CEP112: variants seen among roughly 807,000 people sequenced by gnomAD.
CEP112 encodes centrosomal protein 112.
A neutral mutation model predicts 153.0 loss-of-function variants in CEP112; 127 were observed. The observed-to-expected ratio is 0.83, with a 90% CI of 0.72 to 0.96. The LOEUF (loss-of-function observed/expected upper bound fraction) is 0.96, where lower values mean the gene tolerates loss of function less well. Ranked by LOEUF, CEP112 falls within the 40% of genes least tolerant of loss-of-function variation. The pLI is 0.00. For missense variants in CEP112, 1,089 were observed against 1,101.2 expected (o/e 0.99, Z 0.16); for synonymous variants, 358 against 374.4 (o/e 0.96, Z 0.51).
intron 18 of CEP112, among the ~76,000 whole-genome samples, chr17:65,947,176 G>C (rs1419697067): frequency 6.6e-6 from 1 of 151,952 alleles, no homozygotes; most frequent in Non-Finnish European, 1.5e-5. Flanking sequence ...ATAACTCATT[G>C]GGCTACCTTA....
At chr17:65,740,937 T>C (rs1032821481) in intron 23 of CEP112, among the ~76,000 whole-genome samples, 4 of 152,160 alleles carry the variant, frequency 2.6e-5, no homozygotes, top group Non-Finnish European at 4.4e-5. Flanking sequence ...TCTAGGTTCA[T>C]TTTGGCACTT....
At chr17:66,078,812 T>TGGCTTGGTAGTGGC (rs557429989) in intron 8 of CEP112, among the ~76,000 whole-genome samples, 90 of 152,298 alleles carry the variant, frequency 5.9e-4, no homozygotes, top group African/African-American at 2.0e-3. Flanking sequence ...CTTGTAGTGG[T>TGGCTTGGTAGTGGC]GGCTTGGTAG....
chr17:66,053,596 C>A (rs1483387151), intron 12 of CEP112, 140 bp downstream of exon 12: 2 of 723,872 alleles, frequency 2.8e-6, no homozygotes, highest in Non-Finnish European at 2.2e-6. Context: ...ACACATAAAT[C>A]TGTATGGAGT....
At chr17:66,091,513 T>G (rs4511577) in intron 8 of CEP112, among the ~76,000 whole-genome samples, 143,103 of 152,150 alleles carry the variant, frequency 0.94, 67,415 homozygotes, top group East Asian at 0.98. Flanking sequence ...AAACACAACA[T>G]ACAAAAACTT....
intron 12 of CEP112, among the ~76,000 whole-genome samples, chr17:66,038,110 A>AG (rs1555778647): frequency 8.3e-6 from 1 of 120,658 alleles, no homozygotes; most frequent in African/African-American, 3.3e-5. Flanking sequence ...CAAAAAAAAA[A>AG]AAAAGAAAAG....
chr17:65,650,330 T>C (rs922842743), intron 24 of CEP112, among the ~76,000 whole-genome samples: 1 of 152,120 alleles, frequency 6.6e-6, no homozygotes, highest in Non-Finnish European at 1.5e-5. Flanking sequence ...GACTCCCCTT[T>C]AGACAAGCCA....
At chr17:66,190,675 C>A (rs1239230001) in intron 1 of CEP112, among the ~76,000 whole-genome samples, 2 of 152,188 alleles carry the variant, frequency 1.3e-5, no homozygotes, top group African/African-American at 4.8e-5. Context: ...CTTATAGCTA[C>A]AATCTATATT....
At chr17:66,031,477 T>TG (rs2065472101) in intron 12 of CEP112, among the ~76,000 whole-genome samples, 2 of 15,168 alleles carry the variant, frequency 1.3e-4, no homozygotes, top group African/African-American at 2.6e-4. Flanking sequence ...TGTTTTGTTT[T>TG]TTTTTTTTGT....
chr17:66,034,884 C>T (rs944642956), intron 12 of CEP112, among the ~76,000 whole-genome samples: 12 of 149,710 alleles, frequency 8.0e-5, no homozygotes, highest in Non-Finnish European at 4.4e-5. Flanking sequence ...CTCGACTCAC[C>T]GCAACCCCTG....
At chr17:65,953,504 C>T (rs1225430368) in intron 18 of CEP112, among the ~76,000 whole-genome samples, 1 of 152,176 alleles carries the variant, frequency 6.6e-6, no homozygotes, top group Non-Finnish European at 1.5e-5. Context: ...CCTGAGACAA[C>T]AAAACACTGA....
At chr17:66,031,490 T>TG (rs10666547) in intron 12 of CEP112, among the ~76,000 whole-genome samples, 60,484 of 147,584 alleles carry the variant, frequency 0.41, 13,924 homozygotes, top group East Asian at 0.87. Context: ...TTTTTTGTTT[T>TG]TTTTTTTTTT....
intron 21 of CEP112, among the ~76,000 whole-genome samples, chr17:65,803,585 A>G (rs1347662373): frequency 1.3e-5 from 2 of 152,234 alleles, no homozygotes; most frequent in African/African-American, 4.8e-5. Context: ...TAGGTGTTAC[A>G]TTATTTTCTC....
At chr17:65,671,114 G>T (rs2046959989) in intron 24 of CEP112, among the ~76,000 whole-genome samples, 1 of 151,774 alleles carries the variant, frequency 6.6e-6, no homozygotes, top group South Asian at 2.1e-4. Flanking sequence ...TGAGAAGGGG[G>T]GTGGGTAAAA....
At chr17:65,970,534 C>A in intron 17 of CEP112, among the ~76,000 whole-genome samples, 1 of 151,676 alleles carries the variant, frequency 6.6e-6, no homozygotes, top group Admixed American at 6.6e-5. Flanking sequence ...ACATGTATAA[C>A]ACATGAATAT....
intron 21 of CEP112, among the ~76,000 whole-genome samples, chr17:65,760,846 G>T (rs919815204): frequency 1.3e-5 from 2 of 152,044 alleles, no homozygotes; most frequent in Non-Finnish European, 2.9e-5. Context: ...TAAAAGTTTG[G>T]CAGAATTTAC....
chr17:66,176,919 AC>A lies in CEP112; in HGVS notation c.207del (p.Leu69PhefsTer24). On this transcript the variant is annotated frameshift_variant, in exon 3 of 27. Coordinates refer to ENST00000535342, the MANE Select transcript of CEP112 (RefSeq NM_001199165.4). LOFTEE classifies it high-confidence loss of function. ...GCACCTCGTTTAAGCATATGCAATA[AC>A]AATTTTGCATACAGGTTCCGATTCT... ...GRKNRNLYAK[L>X]LLHMLKRGAL... 3 of 1,613,878 alleles carry A rather than the reference AC, an allele frequency of 1.9e-6. No individual in the cohort carries two copies. The highest frequency in any genetic ancestry group is 2.5e-6 in the Non-Finnish European group (3 of 1,179,782).
intron 21 of CEP112, among the ~76,000 whole-genome samples, chr17:65,850,624 C>A (rs1265267076): frequency 3.3e-5 from 5 of 152,182 alleles, no homozygotes; most frequent in Non-Finnish European, 4.4e-5. Flanking sequence ...ATGATGACAT[C>A]CTATTCAAGT....
intron 23 of CEP112, among the ~76,000 whole-genome samples, chr17:65,691,473 T>TGG (rs1435569927): frequency 6.6e-6 from 1 of 152,178 alleles, no homozygotes; most frequent in East Asian, 1.9e-4. Context: ...CATCTGTGAA[T>TGG]GGACCCCAGG....
intron 18 of CEP112, among the ~76,000 whole-genome samples, chr17:65,928,887 GA>G (rs1008544905): frequency 2.6e-5 from 4 of 151,714 alleles, no homozygotes; most frequent in African/African-American, 9.7e-5. Context: ...ATTATAAATA[GA>G]AAAAAAACTA....
Sources: gnomAD v4.1 joint callset for allele counts (sites outside exome capture counted in the v4.1 genomes callset) on GRCh38, gnomAD v4.1.1 for gene constraint, MANE v1.5 for transcripts, NCBI Gene and HGNC (gene_info 2026-07-23, HGNC 2026-07-21) for gene names.